Variants in TENM3 observed in about 807,000 individuals in gnomAD.
TENM3 encodes the protein teneurin transmembrane protein 3, also known as teneurin-3.
Under a neutral mutation model 255.1 loss-of-function variants are expected in TENM3, and 63 were observed. The ratio of observed to expected loss-of-function variants is 0.25; its 90% confidence interval spans 0.20 to 0.30. TENM3 has a LOEUF of 0.30. Ranked by LOEUF, TENM3 falls within the 10% of genes least tolerant of loss-of-function variation. TENM3 has a pLI of 1.00. For missense variants in TENM3, 2,929 were observed against 3,461.1 expected (o/e 0.85, Z 3.86); for synonymous variants, 1,306 against 1,322.3 (o/e 0.99, Z 0.27).
the TENM3 span, among the ~76,000 whole-genome samples, chr4:181,502,182 T>G: frequency 2.0e-5 from 3 of 152,220 alleles, no homozygotes; most frequent in African/African-American, 7.2e-5. Flanking sequence ...GATACTATAA[T>G]GGCAGAGACA....
At chr4:182,489,293 A>G (rs1050881679) in intron 3 of TENM3, among the ~76,000 whole-genome samples, 5 of 152,154 alleles carry the variant, frequency 3.3e-5, no homozygotes, top group African/African-American at 1.2e-4. Context: ...TTTCTTCTCT[A>G]ATTTTTTATG....
chr4:181,875,692 C>A, the TENM3 span, among the ~76,000 whole-genome samples: 1 of 152,098 alleles, frequency 6.6e-6, no homozygotes, highest in Non-Finnish European at 1.5e-5. Flanking sequence ...ACGTTCAGAG[C>A]CCTGGGTTGG....
intron 3 of TENM3, among the ~76,000 whole-genome samples, chr4:182,498,009 A>T (rs186710003): frequency 6.6e-6 from 1 of 152,052 alleles, no homozygotes; most frequent in African/African-American, 2.4e-5. Context: ...ACTCAGGATC[A>T]TGAAAAGTAA....
chr4:181,740,638 G>GA, the TENM3 span, among the ~76,000 whole-genome samples: 2 of 151,296 alleles, frequency 1.3e-5, no homozygotes, highest in East Asian at 3.9e-4. Flanking sequence ...AATCAATCTT[G>GA]AAAATGATAA....
At chr4:181,604,131 G>A in the TENM3 span, among the ~76,000 whole-genome samples, 11 of 152,130 alleles carry the variant, frequency 7.2e-5, no homozygotes, top group Admixed American at 6.5e-5. Flanking sequence ...CGGGCGTGGT[G>A]GCGGGTGCCT....
the TENM3 span, among the ~76,000 whole-genome samples, chr4:181,899,092 T>C: frequency 0.026 from 3,996 of 152,140 alleles, 208 homozygotes; most frequent in African/African-American, 0.09. Context: ...TTTTCAAAGA[T>C]TTAATCTAAA....
intron 11 of TENM3, among the ~76,000 whole-genome samples, chr4:182,687,302 A>C (rs1042812190): frequency 2.0e-5 from 3 of 152,150 alleles, no homozygotes; most frequent in Non-Finnish European, 4.4e-5. Context: ...AATAACCTTC[A>C]AAGTTTCTTT....
rs190916942 is a variant in TENM3 at position 182,319,625 on chromosome 4, C to G, written c.-75-4321C>G. On this transcript the variant is annotated intron_variant, in intron 1 of 27. Transcript: ENST00000511685. ...AGATGTTTTAGAAAGCTTAAGAATA[C>G]CTAAAATCATCTTTCCATTACTAGG... Among the ~76,000 whole-genome samples the G allele has an allele frequency of 5.6e-3, 847 of 152,234 alleles. 3 individuals are homozygous for G. Among genetic ancestry groups the G allele is most frequent in the Non-Finnish European group, 9.4e-3 (640 of 68,006 alleles).
At chr4:181,932,730 C>T in the TENM3 span, among the ~76,000 whole-genome samples, 1 of 152,154 alleles carries the variant, frequency 6.6e-6, no homozygotes, top group Non-Finnish European at 1.5e-5. Context: ...TTTATTGCAG[C>T]ACTGTTCACA....
chr4:181,611,401 G>C, the TENM3 span, among the ~76,000 whole-genome samples: 1 of 152,072 alleles, frequency 6.6e-6, no homozygotes, highest in Non-Finnish European at 1.5e-5. Context: ...TCAATACCCT[G>C]TCCCGTCATG....
chr4:182,475,071 C>G (rs1733538003), intron 3 of TENM3, among the ~76,000 whole-genome samples: 1 of 152,166 alleles, frequency 6.6e-6, no homozygotes. Context: ...TGAAGATGGG[C>G]AGTGCACACT....
Position 182,793,455 on chromosome 4 carries a change from T to C in TENM3, c.6783T>C (p.His2261=), listed in dbSNP as rs781269373. 1.9e-5 allele frequency: 30 copies of C among 1,613,862 alleles called. No individual in the cohort carries two copies. The highest frequency in any genetic ancestry group is 2.5e-5 in the Non-Finnish European group (30 of 1,179,890). The change falls in exon 26 of 28, where the codon CAT becomes CAC. Residue 2261 remains histidine, a synonymous_variant. Transcript: ENST00000511685. The surrounding 1 kb of genome is among the most constrained non-coding windows in gnomAD (Gnocchi z 5.7). ...TAACTTATCCCACTAGGATTACTCA[T>C]GTCTACAACCATTCGAGTTCAGAAA... is the stretch of plus-strand genomic sequence containing the variant. ...ADLTYPTRIT[H]VYNHSSSEIT...
the TENM3 span, among the ~76,000 whole-genome samples, chr4:181,526,937 G>A: frequency 7.9e-5 from 12 of 152,264 alleles, no homozygotes; most frequent in African/African-American, 2.9e-4. Flanking sequence ...AGTTCAGTTA[G>A]GAGATAAAGT....
chr4:182,134,785 C>A, the TENM3 span, among the ~76,000 whole-genome samples: 1 of 152,100 alleles, frequency 6.6e-6, no homozygotes, highest in East Asian at 1.9e-4. Context: ...ATCACATGGC[C>A]CGTAGGAGCT....
At chr4:182,105,328 G>A in the TENM3 span, among the ~76,000 whole-genome samples, 1 of 152,132 alleles carries the variant, frequency 6.6e-6, no homozygotes, top group African/African-American at 2.4e-5. Context: ...GAAGTTCTGA[G>A]GCCGGAGTTT....
At chr4:182,475,199 T>G (rs903981044) in intron 3 of TENM3, among the ~76,000 whole-genome samples, 6 of 152,192 alleles carry the variant, frequency 3.9e-5, no homozygotes, top group East Asian at 1.9e-4. Context: ...TTTGGTATCT[T>G]TAAGTCGTTT....
At chr4:181,992,133 T>C in the TENM3 span, among the ~76,000 whole-genome samples, 1 of 152,142 alleles carries the variant, frequency 6.6e-6, no homozygotes, top group South Asian at 2.1e-4. Context: ...ACATTTGTGC[T>C]TCTTCACTTT....
rs746491846 is a variant in TENM3 at position 182,680,267 on chromosome 4, C to T, written c.1557C>T (p.Pro519=). Residue 519 remains proline (P), a synonymous_variant, in exon 9 of 28, where the codon CCC becomes CCT. Coordinates refer to ENST00000511685, the MANE Select transcript of TENM3 (RefSeq NM_001080477.4). ...CTTCAGAGTCTGTGGTGGAATGTCC[C>T]CGAAATTGCCATGGAAATGGAGAAT... ...TIVIESVVEC[P]RNCHGNGECV... 2 of 1,613,416 alleles carry T rather than the reference C, an allele frequency of 1.2e-6. No individual in the cohort carries two copies. Among genetic ancestry groups the T allele is most frequent in the South Asian group, 1.1e-5 (1 of 90,992 alleles).
chr4:181,768,806 T>A, the TENM3 span, among the ~76,000 whole-genome samples: 1 of 152,196 alleles, frequency 6.6e-6, no homozygotes, highest in Non-Finnish European at 1.5e-5. Context: ...GTTTTCTCAA[T>A]CTTATAGGCA....
Sources: allele counts gnomAD v4.1 joint callset (sites outside exome capture counted in the v4.1 genomes callset), GRCh38; gene constraint gnomAD v4.1.1; non-coding constraint Gnocchi (gnomAD v3.1); transcripts MANE v1.5; gene names NCBI Gene and HGNC (gene_info 2026-07-23, HGNC 2026-07-21).